The following DACH1 variants were observed in gnomAD, a reference collection of about 807,000 sequenced individuals.
DACH1 encodes dachshund homolog 1.
In DACH1, 12 loss-of-function variants were observed where a neutral mutation model predicts 54.2. The ratio of observed to expected loss-of-function variants is 0.22; its 90% CI spans 0.14 to 0.36. The LOEUF (loss-of-function observed/expected upper bound fraction) is 0.36. Among genes scored for constraint, DACH1 ranks in the 10% least tolerant of loss-of-function variants. The probability of loss-of-function intolerance (pLI) is 1.00; values close to 1 mark genes in which losing one functional copy is unlikely to be tolerated. For missense variants in DACH1, 805 were observed against 929.8 expected, an observed-to-expected ratio of 0.87 and a Z score of 1.75; for synonymous variants, 386 against 366.2, an observed-to-expected ratio of 1.05 and a Z score of -0.62.
chr13:71,696,903 T>G (rs1374377981), intron 1 of DACH1, among the ~76,000 whole-genome samples: 1 of 152,158 alleles, frequency 6.6e-6, no homozygotes, highest in African/African-American at 2.4e-5. Flanking sequence ...ATTTACTATT[T>G]AAAAATATAC....
chr13:71,658,185 T>A (rs2138644546), intron 2 of DACH1, among the ~76,000 whole-genome samples: 1 of 152,308 alleles, frequency 6.6e-6, no homozygotes, highest in South Asian at 2.1e-4. Flanking sequence ...TAAAACTGAA[T>A]TATATAAATT....
At chr13:71,447,037 C>A (rs1874532401) in intron 10 of DACH1, among the ~76,000 whole-genome samples, 1 of 152,060 alleles carries the variant, frequency 6.6e-6, no homozygotes, top group Non-Finnish European at 1.5e-5. Context: ...TTTCAAAGTT[C>A]ATTGTGATTT....
chr13:71,846,296 G>A (rs1381350634), intron 1 of DACH1: 2 of 214,926 alleles, frequency 9.3e-6, no homozygotes, highest in South Asian at 8.6e-5. Context: ...TCCATGTGAT[G>A]CTGTACCTCT....
At chr13:71,565,361 C>T (rs190244789) in intron 4 of DACH1, among the ~76,000 whole-genome samples, 7 of 152,216 alleles carry the variant, frequency 4.6e-5, no homozygotes, top group Admixed American at 4.6e-4. Flanking sequence ...CAGGCAGGAT[C>T]TAGGTTCTGG....
At chr13:71,684,962 A>T (rs1243459720) in intron 1 of DACH1, among the ~76,000 whole-genome samples, 2 of 152,210 alleles carry the variant, frequency 1.3e-5, no homozygotes, top group East Asian at 3.8e-4. Flanking sequence ...AGAAAATAGA[A>T]TAGAGGGTTT....
Position 71,627,858 on chromosome 13 carries a change from GA to G in DACH1, c.1126+2697del, listed in dbSNP as rs563056557. On this transcript the variant is annotated intron_variant, in intron 3 of 10. Transcript: ENST00000613252. ...CAAGTAATAGCTACCAGAGACAATGGAAAAGCAGGTGGAAGCAGTTGATGGT... is the reference window on the plus strand; with the variant it reads ...CAAGTAATAGCTACCAGAGACAATGGAAAGCAGGTGGAAGCAGTTGATGGT... Among the ~76,000 whole-genome samples, 102 of 152,162 alleles carry G rather than the reference GA, an allele frequency of 6.7e-4. 1 individual carries two copies. Among genetic ancestry groups the G allele is most frequent in the African/African-American group, 2.2e-3 (92 of 41,536 alleles).
intron 6 of DACH1, among the ~76,000 whole-genome samples, chr13:71,491,171 T>C (rs1419110479): frequency 1.3e-5 from 2 of 152,328 alleles, no homozygotes; most frequent in Admixed American, 1.3e-4. Context: ...GTAGCCAGTA[T>C]TTATTTAACA....
chr13:71,852,096 C>T (rs546210192), intron 1 of DACH1, among the ~76,000 whole-genome samples: 1 of 152,292 alleles, frequency 6.6e-6, no homozygotes, highest in South Asian at 2.1e-4. Flanking sequence ...GTTGAAATCA[C>T]TGATAGTACT....
intron 1 of DACH1, among the ~76,000 whole-genome samples, chr13:71,700,340 G>A (rs1330682221): frequency 6.6e-6 from 1 of 151,984 alleles, no homozygotes; most frequent in Non-Finnish European, 1.5e-5. Flanking sequence ...GGCGGATCAC[G>A]AGGTCAGGAG....
intron 1 of DACH1, among the ~76,000 whole-genome samples, chr13:71,786,965 C>T (rs908432664): frequency 6.6e-6 from 1 of 152,140 alleles, no homozygotes; most frequent in African/African-American, 2.4e-5. Flanking sequence ...GCAGGGAAGG[C>T]AGGCACTCCT....
At chr13:71,729,594 TAGTC>T (rs1883644802) in intron 1 of DACH1, among the ~76,000 whole-genome samples, 2 of 152,076 alleles carry the variant, frequency 1.3e-5, no homozygotes, top group Non-Finnish European at 2.9e-5. Flanking sequence ...TGTTAAATGT[TAGTC>T]AGGTCCTGTG....
At chr13:71,552,423 A>G (rs1313239034) in intron 6 of DACH1, among the ~76,000 whole-genome samples, 1 of 152,074 alleles carries the variant, frequency 6.6e-6, no homozygotes, top group Non-Finnish European at 1.5e-5. Flanking sequence ...TCAATCAAAA[A>G]TTAGGTAAAT....
intron 2 of DACH1, among the ~76,000 whole-genome samples, chr13:71,639,023 T>C (rs1877702606): frequency 6.6e-6 from 1 of 152,258 alleles, no homozygotes; most frequent in East Asian, 1.9e-4. Context: ...AGGTGCATTG[T>C]AAGCTCCACA....
chr13:71,787,967 T>A (rs544072085), intron 1 of DACH1, among the ~76,000 whole-genome samples: 4 of 152,184 alleles, frequency 2.6e-5, no homozygotes, highest in Non-Finnish European at 5.9e-5. Context: ...TTTGGAACTA[T>A]TTTTAAAAAT....
chr13:71,635,683 C>T (rs954886011), intron 2 of DACH1, among the ~76,000 whole-genome samples: 2 of 152,114 alleles, frequency 1.3e-5, no homozygotes, highest in African/African-American at 4.8e-5. Context: ...GATCTTCTCC[C>T]CTGTCTTCAG....
At chr13:71,589,267 T>C (rs1330564556) in intron 3 of DACH1, among the ~76,000 whole-genome samples, 1 of 152,022 alleles carries the variant, frequency 6.6e-6, no homozygotes, top group Non-Finnish European at 1.5e-5. Flanking sequence ...ATGTAAGTAT[T>C]GATTTTATTA....
At chr13:71,790,986 A>T (rs570470119) in intron 1 of DACH1, among the ~76,000 whole-genome samples, 10 of 152,332 alleles carry the variant, frequency 6.6e-5, no homozygotes, top group Middle Eastern at 3.4e-3. Context: ...AACTCAAATT[A>T]TTAGGTCTTC....
At chr13:71,585,449 G>C (rs1406243979) in intron 3 of DACH1, among the ~76,000 whole-genome samples, 1 of 152,172 alleles carries the variant, frequency 6.6e-6, no homozygotes, top group South Asian at 2.1e-4. Flanking sequence ...AGGTCGCACA[G>C]CCTTTTGGAA....
chr13:71,498,247 C>T (rs1423230009), intron 6 of DACH1, among the ~76,000 whole-genome samples: 1 of 152,088 alleles, frequency 6.6e-6, no homozygotes, highest in Non-Finnish European at 1.5e-5. Context: ...GGGGACCACT[C>T]TTTTGAGGAG....
Sources: gnomAD v4.1 joint callset for allele counts (sites outside exome capture counted in the v4.1 genomes callset) on GRCh38, gnomAD v4.1.1 for gene constraint, MANE v1.5 for transcripts, NCBI Gene and HGNC (gene_info 2026-07-23, HGNC 2026-07-21) for gene names.